The following LRRC43 variants were observed in gnomAD, a reference collection of about 807,000 sequenced individuals.
LRRC43 encodes leucine rich repeat containing 43.
LRRC43 carries 62 observed loss-of-function variants against 64.3 expected under a neutral mutation model. The observed-to-expected ratio is 0.96, with a 90% CI of 0.79 to 1.19. The LOEUF (loss-of-function observed/expected upper bound fraction) is 1.19. Among genes scored for constraint, LRRC43 ranks in the 50% most tolerant of loss-of-function variants. LRRC43 has a pLI of 0.00. For missense variants in LRRC43, 868 were observed against 845.0 expected (o/e 1.03, Z -0.34); for synonymous variants, 422 against 382.3 (o/e 1.10, Z -1.21).
chr12:122,198,708 C>T (rs1464306345), intron 7 of LRRC43, among the ~76,000 whole-genome samples: 1 of 147,426 alleles, frequency 6.8e-6, no homozygotes, highest in Non-Finnish European at 1.5e-5. Context: ...CGGCTCACTG[C>T]AACCTCCACC....
At position 122,200,765 on chromosome 12, in the gene LRRC43, A is replaced by C; in HGVS notation, c.1640A>C (p.Lys547Thr). The C allele has an allele frequency of 6.2e-7, 1 of 1,612,910 alleles. No individual in the cohort carries two copies. Among genetic ancestry groups the C allele is most frequent in the Non-Finnish European group, 8.5e-7 (1 of 1,179,998 alleles). Residue 547 changes from lysine to threonine, a missense_variant, in exon 10 of 12, where the codon AAG becomes ACG. Coordinates refer to ENST00000339777, the MANE Select transcript of LRRC43 (RefSeq NM_001098519.2). This position sits in a 1 kb window ranked among gnomAD's most constrained non-coding sequence, Gnocchi z 4.6. ...EPAKEWKVLK[K>T]KKEPPKELRQ... ...TCGCAGGAGTGGAAGGTGCTGAAGAAGAAGAAAGAGCCGCCCAAGGAGCTC... is the reference window on the plus strand; with the variant it reads ...TCGCAGGAGTGGAAGGTGCTGAAGACGAAGAAAGAGCCGCCCAAGGAGCTC...
At position 122,200,803 on chromosome 12, in the gene LRRC43, C is replaced by A. The variant is rs776945603; in HGVS notation, c.1678C>A (p.Pro560Thr). 6 of 1,612,996 alleles carry A rather than the reference C, an allele frequency of 3.7e-6. No homozygotes were observed. The South Asian group carries it at 6.6e-5, about 18-fold the overall frequency. Residue 560 changes from proline (P) to threonine (T), a missense_variant, in exon 10 of 12, where the codon CCC becomes ACC. Physicochemically the swap from Pro to Thr is conservative, Grantham distance 38 (BLOSUM62 -1). Transcript: ENST00000339777. This position sits in a 1 kb window ranked among gnomAD's most constrained non-coding sequence, Gnocchi z 4.6. ...GCCCAAGGAGCTCCGGCAGGACCCC[C>A]CCATCCTCCAGGTGCTGGGCCGGGG... ...EPPKELRQDPPILQVLGRGLV... is the reference protein window; with the variant it reads ...EPPKELRQDPTILQVLGRGLV...
At chr12:122,189,001 G>A (rs1047676594) in intron 4 of LRRC43, among the ~76,000 whole-genome samples, 21 of 152,138 alleles carry the variant, frequency 1.4e-4, no homozygotes, top group Non-Finnish European at 1.3e-4. Flanking sequence ...AAGCCCTAGC[G>A]CCAGCCGCTC....
At position 122,186,272 on chromosome 12, in the gene LRRC43, A is replaced by G. The variant is rs1304559935; in HGVS notation, c.494A>G (p.Asp165Gly). 1 of 1,603,558 alleles carries G rather than the reference A, an allele frequency of 6.2e-7. No homozygotes were observed. Among genetic ancestry groups the G allele is most frequent in the Non-Finnish European group, 8.5e-7 (1 of 1,175,408 alleles). ...VLSANRIKEV[D>G]ATNLPPTLKV... ...AGCGCCAATCGAATCAAGGAGGTGG[A>G]TGCCACCAATCTGCCCCCCACACTC... The change falls in exon 3 of 12, where the codon GAT (aspartate) becomes GGT (glycine). Residue 165 changes from aspartate (D) to glycine (G), a missense_variant. By Grantham distance (94) the Asp-to-Gly change is moderately conservative. Coordinates refer to ENST00000339777, the MANE Select transcript of LRRC43 (RefSeq NM_001098519.2).
Position 122,184,595 on chromosome 12 carries a change from C to T in LRRC43, c.227C>T (p.Pro76Leu), listed in dbSNP as rs1227744195. The T allele has an allele frequency of 1.9e-6, 3 of 1,613,896 alleles. No individual in the cohort carries two copies. Among genetic ancestry groups the T allele is most frequent in the South Asian group, 2.2e-5 (2 of 91,072 alleles). ...CCCAGAGAGGAGGATGTGGTGAGCC[C>T]CGGAGAGGAGACGGTGGAGGCCCTG... is the stretch of plus-strand genomic sequence containing the variant. The part of the protein sequence containing the change: ...LVPREEDVVS[P>L]GEETVEALLG... Residue 76 changes from proline to leucine, a missense_variant, in exon 2 of 12, where the codon CCC (proline) becomes CTC (leucine). Transcript: ENST00000339777. This position sits in a 1 kb window ranked among gnomAD's most constrained non-coding sequence, Gnocchi z 4.0.
intron 4 of LRRC43, among the ~76,000 whole-genome samples, chr12:122,189,201 C>T (rs949122195): frequency 1.1e-4 from 16 of 152,130 alleles, no homozygotes; most frequent in Admixed American, 9.8e-4. Flanking sequence ...CTTTGCAAAA[C>T]ATGCTGTGAG....
chr12:122,202,944 T>C (rs984119347), intron 11 of LRRC43, among the ~76,000 whole-genome samples: 2 of 151,946 alleles, frequency 1.3e-5, no homozygotes, highest in Non-Finnish European at 2.9e-5. Context: ...CTACAAAAAA[T>C]AGCCGGTCGT....
In LRRC43 at chr12:122,184,905, T is replaced by C; in HGVS notation, c.411+126T>C. On this transcript the variant is annotated intron_variant, in intron 2 of 11. Coordinates refer to ENST00000339777, the MANE Select transcript of LRRC43 (RefSeq NM_001098519.2). The surrounding 1 kb of genome is among the most constrained non-coding windows in gnomAD (Gnocchi z 4.0). ...TTCAGGGCTGAAACGAAGGCCAGCC[T>C]GCCCTCCATCTGCTTCATCTCCCTG... 3 of 1,062,434 alleles carry C rather than the reference T, an allele frequency of 2.8e-6. No individual in the cohort carries two copies. Among genetic ancestry groups the C allele is most frequent in the Non-Finnish European group, 4.1e-6 (3 of 738,122 alleles). 65.8% of individuals were successfully genotyped at this position (1,062,434 alleles called of 1,614,324 possible).
rs140309970 is a variant in LRRC43, at chr12:122,197,419, G to T, written c.1350-2770G>T. Reference sequence around the variant, plus strand: ...GACCTCAGGTGATCCACCCACCTTAGCCTCCCAAGTGCTGGGATTACAGGT... The same window carrying T: ...GACCTCAGGTGATCCACCCACCTTATCCTCCCAAGTGCTGGGATTACAGGT... On this transcript the variant is annotated intron_variant, in intron 7 of 11. Coordinates refer to ENST00000339777, the MANE Select transcript of LRRC43 (RefSeq NM_001098519.2). 6.5e-3 allele frequency among the ~76,000 whole-genome samples: 988 copies of T among 152,112 alleles called. 13 individuals carry two copies. Among genetic ancestry groups the T allele is most frequent in the Non-Finnish European group, 8.7e-3 (593 of 68,004 alleles).
chr12:122,170,264 C>A lies in LRRC43; in HGVS notation c.-406+2482C>A, dbSNP rs562526471. On this transcript the variant is annotated intron_variant, in intron 1 of 5. Transcript: ENST00000537729. ...GACAGTCAAAAAGAGAGATAGAAGT[C>A]CACCACACTGGATATTTTCTGGAAA... 2.0e-5 allele frequency among the ~76,000 whole-genome samples: 3 copies of A among 152,266 alleles called. No individual in the cohort carries two copies. In the South Asian group the frequency reaches 6.2e-4, roughly 32 times the overall value.
intron 7 of LRRC43, among the ~76,000 whole-genome samples, chr12:122,193,867 C>T (rs535041255): frequency 6.6e-6 from 1 of 152,186 alleles, no homozygotes; most frequent in East Asian, 1.9e-4. Flanking sequence ...GCCTGAATTT[C>T]TTGAGTCGAT....
Position 122,192,960 on chromosome 12 carries a change from C to T in LRRC43, c.1305C>T (p.Ala435=). 1 of 1,613,998 alleles carries T rather than the reference C, an allele frequency of 6.2e-7. No individual in the cohort carries two copies. Among genetic ancestry groups the T allele is most frequent in the Non-Finnish European group, 8.5e-7 (1 of 1,180,010 alleles). The change falls in exon 7 of 12, where the codon GCC becomes GCT. Residue 435 remains alanine, a synonymous_variant. Coordinates refer to ENST00000339777, the MANE Select transcript of LRRC43 (RefSeq NM_001098519.2). The stretch of plus-strand genomic sequence containing the variant: ...CGAGGGCCTCTGCAGAAGAGCTGGC[C>T]AAGTTGAGGCTGCGTATAGATCCCC... ...QMPRASAEEL[A]KLRLRIDPRL... is the part of the protein sequence containing the mutation.
intron 4 of LRRC43, among the ~76,000 whole-genome samples, chr12:122,189,222 A>G (rs1018408412): frequency 2.0e-5 from 3 of 152,028 alleles, no homozygotes; most frequent in Non-Finnish European, 2.9e-5. Context: ...AAGTCCCAGG[A>G]CTTCAGCAGC....
chr12:122,199,468 G>A (rs145462292), intron 7 of LRRC43, among the ~76,000 whole-genome samples: 1 of 151,296 alleles, frequency 6.6e-6, no homozygotes, highest in Non-Finnish European at 1.5e-5. Flanking sequence ...ATTTTTAGTA[G>A]AGACGGGGTT....
rs1053662503 is a variant in LRRC43, at chr12:122,172,289, GT to G, written c.-406+4508del. On this transcript the variant is annotated intron_variant, in intron 1 of 5. Transcript: ENST00000537729. ...CTCCCGGGACTAGCCCATATGAGGG[GT>G]CCCTGAGATTATTCATTGGAAAAAT... 5 of 705,142 alleles carry G rather than the reference GT, an allele frequency of 7.1e-6. No homozygotes were observed. In the African/African-American group the frequency reaches 7.1e-5, roughly 10 times the overall value. The allele number at this position is 705,142 out of a possible 1,614,324, so 43.7% of individuals were successfully genotyped here.
chr12:122,193,807 G>A (rs1021190885), intron 7 of LRRC43, among the ~76,000 whole-genome samples: 6 of 152,150 alleles, frequency 3.9e-5, no homozygotes, highest in African/African-American at 7.2e-5. Context: ...TGATCTGCCC[G>A]CCTCAGCCTC....
At chr12:122,180,951 C>G (rs976175780), upstream of LRRC43, among the ~76,000 whole-genome samples, 1 of 152,140 alleles carries the variant, frequency 6.6e-6, no homozygotes, top group Non-Finnish European at 1.5e-5. Flanking sequence ...CATGGTGGCT[C>G]ACGCCTGTGA....
chr12:122,183,340 G>A, intron 1 of LRRC43, 46 bp downstream of exon 1: 1 of 1,400,146 alleles, frequency 7.1e-7, no homozygotes, highest in Non-Finnish European at 9.2e-7. Flanking sequence ...ACCGGCTGCG[G>A]GGAGGCACGG....
Position 122,190,318 on chromosome 12 carries a change from C to G in LRRC43, c.851C>G (p.Thr284Ser). The change falls in exon 5 of 12, where the codon ACC becomes AGC. Residue 284 changes from threonine to serine, a missense_variant. Coordinates refer to ENST00000339777, the MANE Select transcript of LRRC43 (RefSeq NM_001098519.2). The part of the protein sequence containing the change: ...LAQLCVLDDI[T>S]VSPNEKHLFR... ...CAGCTCTGCGTGCTGGACGACATCACCGTGTCTCCCAATGAGAAGCATCTC... is the reference window on the plus strand; with the variant it reads ...CAGCTCTGCGTGCTGGACGACATCAGCGTGTCTCCCAATGAGAAGCATCTC... 2.5e-6 allele frequency: 4 copies of G among 1,614,196 alleles called. No homozygotes were observed. The highest frequency in any genetic ancestry group is 3.4e-6 in the Non-Finnish European group (4 of 1,180,028).
Sources: gnomAD v4.1 joint callset for allele counts (sites outside exome capture counted in the v4.1 genomes callset) on GRCh38, gnomAD v4.1.1 for gene constraint, Gnocchi (gnomAD v3.1) non-coding constraint, MANE v1.5 for transcripts, NCBI Gene and HGNC (gene_info 2026-07-23, HGNC 2026-07-21) for gene names.